The following LRRTM4 variants were observed in gnomAD, a reference collection of about 807,000 sequenced individuals.
LRRTM4 encodes the protein leucine-rich repeat transmembrane neuronal protein 4.
Under a neutral mutation model 47.6 loss-of-function variants are expected in LRRTM4, and 25 were observed. That is an observed-to-expected ratio of 0.53 (90% CI 0.38 to 0.73). The LOEUF (loss-of-function observed/expected upper bound fraction) is 0.73, where lower values mean the gene tolerates loss of function less well. Ranked by LOEUF, LRRTM4 falls within the 30% of genes least tolerant of loss-of-function variation. LRRTM4 has a pLI of 0.00. For synonymous variants in LRRTM4, 311 were observed against 269.5 expected, an observed-to-expected ratio of 1.15 and a Z score of -1.51; for missense variants, 638 against 713.4, an observed-to-expected ratio of 0.89 and a Z score of 1.20.
intron 3 of LRRTM4, among the ~76,000 whole-genome samples, chr2:76,944,662 T>C (rs553608188): frequency 1.3e-5 from 2 of 152,236 alleles, no homozygotes; most frequent in Non-Finnish European, 2.9e-5. Context: ...AAAACTCGTC[T>C]GCTCTCTTCA....
intron 3 of LRRTM4, among the ~76,000 whole-genome samples, chr2:77,453,338 C>T (rs901334263): frequency 3.9e-5 from 6 of 151,910 alleles, no homozygotes; most frequent in South Asian, 2.1e-4. Context: ...CCCACCACCA[C>T]GCCTGGCTAA....
intron 3 of LRRTM4, among the ~76,000 whole-genome samples, chr2:77,241,637 C>G (rs1018881812): frequency 1.3e-5 from 2 of 151,914 alleles, no homozygotes; most frequent in East Asian, 3.9e-4. Context: ...TGGAAAAAAA[C>G]CTTTTATCTT....
At chr2:77,258,769 T>C (rs953060657) in intron 3 of LRRTM4, among the ~76,000 whole-genome samples, 2 of 151,580 alleles carry the variant, frequency 1.3e-5, no homozygotes, top group South Asian at 4.2e-4. Context: ...AAAAAAAAAA[T>C]ACAAGTTCCG....
At chr2:77,051,949 C>G (rs866133227) in intron 3 of LRRTM4, among the ~76,000 whole-genome samples, 1 of 152,002 alleles carries the variant, frequency 6.6e-6, no homozygotes, top group South Asian at 2.1e-4. Flanking sequence ...GTCTTAAATG[C>G]TTTCATTTCC....
chr2:76,770,816 C>G (rs993814501), intron 3 of LRRTM4, among the ~76,000 whole-genome samples: 1 of 152,142 alleles, frequency 6.6e-6, no homozygotes, highest in Non-Finnish European at 1.5e-5. Flanking sequence ...CATTTTCATG[C>G]ATTTAAATTT....
At chr2:76,873,533 T>TATATATATATAC (rs1174673622) in intron 3 of LRRTM4, among the ~76,000 whole-genome samples, 10 of 145,186 alleles carry the variant, frequency 6.9e-5, no homozygotes, top group African/African-American at 1.8e-4. Flanking sequence ...TATATATATA[T>TATATATATATAC]ACAACATAGT....
At chr2:77,145,643 G>A (rs957203443) in intron 3 of LRRTM4, among the ~76,000 whole-genome samples, 6 of 151,434 alleles carry the variant, frequency 4.0e-5, no homozygotes, top group East Asian at 1.9e-4. Flanking sequence ...GCATGGTGGC[G>A]GGCACCTGTA....
At chr2:77,154,967 T>C (rs982937144) in intron 3 of LRRTM4, among the ~76,000 whole-genome samples, 4 of 152,154 alleles carry the variant, frequency 2.6e-5, no homozygotes, top group African/African-American at 9.7e-5. Flanking sequence ...GAAGATATGA[T>C]TTGTACCGGC....
chr2:77,260,580 C>T (rs545307663), intron 3 of LRRTM4, among the ~76,000 whole-genome samples: 2 of 152,102 alleles, frequency 1.3e-5, no homozygotes, highest in South Asian at 4.1e-4. Context: ...TTCTAATTTG[C>T]CATCATTTAG....
intron 3 of LRRTM4, among the ~76,000 whole-genome samples, chr2:76,936,726 A>C (rs1674963758): frequency 6.6e-6 from 1 of 151,590 alleles, no homozygotes; most frequent in African/African-American, 2.4e-5. Context: ...AGGCCAAGGC[A>C]GGTGGATCAC....
At chr2:76,942,674 A>ATATGTGTGTGTGTGTGTG (rs750604219) in intron 3 of LRRTM4, among the ~76,000 whole-genome samples, 5 of 123,342 alleles carry the variant, frequency 4.1e-5, no homozygotes, top group African/African-American at 1.6e-4. Context: ...ACCTCTAGGA[A>ATATGTGTGTGTGTGTGTG]TCTGTGTGTG....
intron 3 of LRRTM4, among the ~76,000 whole-genome samples, chr2:77,205,543 C>A (rs917471855): frequency 1.3e-5 from 2 of 151,974 alleles, no homozygotes; most frequent in Non-Finnish European, 2.9e-5. Context: ...ATGTATGTGG[C>A]CTGTGCAAGT....
At chr2:77,261,986 C>G (rs548505233) in intron 3 of LRRTM4, among the ~76,000 whole-genome samples, 15 of 152,118 alleles carry the variant, frequency 9.9e-5, no homozygotes, top group Middle Eastern at 3.4e-3. Context: ...AGCATTGCCA[C>G]CTGAGCTCCA....
rs546168890 is a variant in LRRTM4, at chr2:77,351,244, A to G, written c.1551+167074T>C. ...ACTCCTTTTACTGGAGGAAACACACATTGATATAGCTCACTGTGAAATAAA... is the reference window on the plus strand; with the variant it reads ...ACTCCTTTTACTGGAGGAAACACACGTTGATATAGCTCACTGTGAAATAAA... On this transcript the variant is annotated intron_variant, in intron 3 of 3. Coordinates refer to ENST00000409884, the MANE Select transcript of LRRTM4 (RefSeq NM_001134745.3). Among the ~76,000 whole-genome samples the G allele has an allele frequency of 5.9e-5, 9 of 152,044 alleles. No homozygotes were observed. In the South Asian group the frequency reaches 1.9e-3, roughly 32 times the overall value.
intron 3 of LRRTM4, among the ~76,000 whole-genome samples, chr2:76,780,779 C>T (rs1573090966): frequency 6.6e-6 from 1 of 151,404 alleles, no homozygotes; most frequent in East Asian, 1.9e-4. Context: ...ATTCTCCATC[C>T]AGCTTTGTTC....
intron 3 of LRRTM4, among the ~76,000 whole-genome samples, chr2:77,032,279 C>T (rs1222475456): frequency 1.3e-5 from 2 of 152,116 alleles, no homozygotes; most frequent in Non-Finnish European, 2.9e-5. Flanking sequence ...CAAATCCTTG[C>T]TCAATTTTCA....
chr2:77,244,798 C>A (rs933955176), intron 3 of LRRTM4, among the ~76,000 whole-genome samples: 3 of 152,044 alleles, frequency 2.0e-5, no homozygotes, highest in Admixed American at 6.6e-5. Context: ...TTTTAATTAC[C>A]CTTTGAAGAA....
chr2:77,328,964 G>A (rs1670875044), intron 3 of LRRTM4, among the ~76,000 whole-genome samples: 1 of 152,166 alleles, frequency 6.6e-6, no homozygotes, highest in Non-Finnish European at 1.5e-5. Context: ...TCTGGCACCT[G>A]GGGTGTTTCT....
chr2:76,974,153 T>C (rs1256781818), intron 3 of LRRTM4, among the ~76,000 whole-genome samples: 1,422 of 130,802 alleles, frequency 0.011, 28 homozygotes, highest in African/African-American at 0.043. Context: ...TATATATACA[T>C]ACATATATAT....
Sources: allele counts gnomAD v4.1 joint callset (sites outside exome capture counted in the v4.1 genomes callset), GRCh38; gene constraint gnomAD v4.1.1; transcripts MANE v1.5; gene names NCBI Gene and HGNC (gene_info 2026-07-23, HGNC 2026-07-21).